The following NT5C2 variants were observed in gnomAD, a reference collection of about 807,000 sequenced individuals.
NT5C2 encodes cytosolic purine 5'-nucleotidase.
A neutral mutation model predicts 76.1 loss-of-function variants in NT5C2; 58 were observed. That is an observed-to-expected ratio of 0.76 (90% CI 0.62 to 0.95). The LOEUF is 0.95. Among genes scored for constraint, NT5C2 ranks in the 40% least tolerant of loss-of-function variants. The pLI, the probability that NT5C2 is intolerant of heterozygous loss-of-function variation, is 0.00. For synonymous variants in NT5C2, 229 were observed against 237.4 expected (o/e 0.96, Z 0.32); for missense variants, 478 against 690.3 (o/e 0.69, Z 3.45).
chr10:103,102,353 T>C (rs1047610037), intron 6 of NT5C2, among the ~76,000 whole-genome samples: 1 of 152,126 alleles, frequency 6.6e-6, no homozygotes, highest in Non-Finnish European at 1.5e-5. Context: ...GATAGAAGGC[T>C]ACATGTAGAA....
chr10:103,130,274 G>A (rs1184786929), intron 4 of NT5C2, among the ~76,000 whole-genome samples: 3 of 151,888 alleles, frequency 2.0e-5, no homozygotes, highest in Non-Finnish European at 4.4e-5. Context: ...TGTGCTCTCT[G>A]AAACATGCGC....
At chr10:103,162,916 C>T (rs2085295584) in intron 3 of NT5C2, among the ~76,000 whole-genome samples, 1 of 152,062 alleles carries the variant, frequency 6.6e-6, no homozygotes, top group African/African-American at 2.4e-5. Context: ...TCCATCACCC[C>T]AAAAAACTCT....
chr10:103,103,207 T>C (rs2070272582), intron 6 of NT5C2, among the ~76,000 whole-genome samples: 1 of 152,192 alleles, frequency 6.6e-6, no homozygotes, highest in South Asian at 2.1e-4. Flanking sequence ...CCTGCCTGGG[T>C]TTGTTAACTA....
At chr10:103,187,810 T>C (rs188206446) in intron 1 of NT5C2, among the ~76,000 whole-genome samples, 2 of 152,182 alleles carry the variant, frequency 1.3e-5, no homozygotes, top group East Asian at 3.9e-4. Context: ...GTGCAAAATA[T>C]TTTTCAAGGA....
chr10:103,189,588 G>C (rs575553985), intron 1 of NT5C2, among the ~76,000 whole-genome samples: 1 of 146,496 alleles, frequency 6.8e-6, no homozygotes, highest in Non-Finnish European at 1.5e-5. Flanking sequence ...CCTGGCGACA[G>C]AGCGAGACTC....
At chr10:103,151,105 G>A (rs894378419) in intron 3 of NT5C2, among the ~76,000 whole-genome samples, 3 of 151,976 alleles carry the variant, frequency 2.0e-5, no homozygotes, top group African/African-American at 7.3e-5. Flanking sequence ...AAAGGTCAAG[G>A]GTCAAGGTTC....
intron 2 of NT5C2, 64 bp from the exon 3 acceptor site, chr10:103,175,046 T>C: frequency 1.1e-6 from 1 of 945,222 alleles, no homozygotes; most frequent in Admixed American, 2.1e-5. Context: ...CATCTGATTT[T>C]TTTAAAAATC....
At chr10:103,188,499 C>T (rs941245840) in intron 1 of NT5C2, among the ~76,000 whole-genome samples, 1 of 152,140 alleles carries the variant, frequency 6.6e-6, no homozygotes, top group Non-Finnish European at 1.5e-5. Flanking sequence ...GTAGGGAAGA[C>T]TTTCTTGCAT....
chr10:103,091,661 GC>G, intron 15 of NT5C2, 46 bp from the exon 16 acceptor site: 1 of 1,508,878 alleles, frequency 6.6e-7, no homozygotes, highest in Non-Finnish European at 9.2e-7. Context: ...AAATAAATAA[GC>G]ACCTAGTTCT....
chr10:103,164,318 C>T (rs992208880), intron 3 of NT5C2, among the ~76,000 whole-genome samples: 3 of 151,962 alleles, frequency 2.0e-5, no homozygotes, highest in African/African-American at 4.8e-5. Context: ...AGTGCACTGG[C>T]TCAATCTTGG....
At chr10:103,169,009 C>CTG (rs2087105752) in intron 3 of NT5C2, among the ~76,000 whole-genome samples, 2 of 135,178 alleles carry the variant, frequency 1.5e-5, no homozygotes, top group Non-Finnish European at 3.3e-5. Flanking sequence ...TAAATGGTTT[C>CTG]TATTTAAAAT....
intron 3 of NT5C2, among the ~76,000 whole-genome samples, chr10:103,160,074 C>A (rs552485499): frequency 4.4e-4 from 67 of 152,210 alleles, no homozygotes; most frequent in Non-Finnish European, 8.7e-4. Context: ...AATTCAGAGT[C>A]CAGAAATAAA....
chr10:103,185,666 AAAAAAAAAAAAAAGC>A (rs1564661064), intron 1 of NT5C2, among the ~76,000 whole-genome samples: 1 of 131,108 alleles, frequency 7.6e-6, no homozygotes, highest in East Asian at 2.1e-4. Context: ...AAAAAAAAGG[AAAAAAAAAAAAAAGC>A]AGGTAAAAAA....
At chr10:103,095,468 G>C (rs1191114253) in intron 12 of NT5C2, among the ~76,000 whole-genome samples, 1 of 152,194 alleles carries the variant, frequency 6.6e-6, no homozygotes, top group Non-Finnish European at 1.5e-5. Context: ...CCGTACTGCA[G>C]AAATGAAGAC....
rs34104646 is a variant in NT5C2 at position 103,136,321 on chromosome 10, T to A, written c.175+3085A>T. Among the ~76,000 whole-genome samples, 47,951 of 152,156 alleles carry A rather than the reference T, an allele frequency of 0.32. 7,640 individuals carry two copies. Among genetic ancestry groups the A allele is most frequent in the Middle Eastern group, 0.36 (107 of 294 alleles). Reference sequence around the variant, plus strand: ...GTCCTTGGACAAAGTGCTTGATGTCTCAGAGTCATATGTAAAATGGAGATG... The same window carrying A: ...GTCCTTGGACAAAGTGCTTGATGTCACAGAGTCATATGTAAAATGGAGATG... On this transcript the variant is annotated intron_variant, in intron 4 of 18. Transcript: ENST00000404739.
chr10:103,122,783 C>T (rs912169513), intron 4 of NT5C2, among the ~76,000 whole-genome samples: 4 of 152,134 alleles, frequency 2.6e-5, no homozygotes, highest in Non-Finnish European at 5.9e-5. Flanking sequence ...GACCCAGGGA[C>T]GCAGCAAAGA....
rs561983918 is a variant in NT5C2, at chr10:103,115,399, C to T, written c.176-8693G>A. 3.3e-4 allele frequency among the ~76,000 whole-genome samples: 50 copies of T among 152,118 alleles called. 1 individual carries two copies. In the South Asian group the frequency reaches 0.01, roughly 31 times the overall value. On this transcript the variant is annotated intron_variant, in intron 4 of 18. Transcript: ENST00000404739. The stretch of plus-strand genomic sequence containing the variant: ...CCTGGGTGACAGAGCAAGACTCCGT[C>T]TCCAGAATAAAAAAAAAAGAAAATA...
chr10:103,145,399 T>A (rs1362674887), intron 3 of NT5C2, among the ~76,000 whole-genome samples: 1 of 152,196 alleles, frequency 6.6e-6, no homozygotes, highest in Non-Finnish European at 1.5e-5. Flanking sequence ...ATTACAAGGC[T>A]GGCCCACTGC....
At chr10:103,090,172 C>T (rs1268617974) in intron 18 of NT5C2, 2 of 408,256 alleles carry the variant, frequency 4.9e-6, no homozygotes, top group African/African-American at 2.0e-5. Flanking sequence ...TATTTTACAG[C>T]AAAAACAAGA....
Sources: allele counts gnomAD v4.1 joint callset (sites outside exome capture counted in the v4.1 genomes callset), GRCh38; gene constraint gnomAD v4.1.1; transcripts MANE v1.5; gene names NCBI Gene and HGNC (gene_info 2026-07-23, HGNC 2026-07-21).